The following ZBTB20 variants were observed in gnomAD, a reference collection of about 807,000 sequenced individuals.
The protein encoded by ZBTB20 is zinc finger and BTB domain-containing protein 20.
Under a neutral mutation model 56.9 loss-of-function variants are expected in ZBTB20, and 9 were observed. That is an observed-to-expected ratio of 0.16 (90% CI 0.10 to 0.28). ZBTB20 has a LOEUF of 0.28. Among genes scored for constraint, ZBTB20 ranks in the 10% least tolerant of loss-of-function variants. The pLI is 1.00. For missense variants in ZBTB20, 655 were observed against 1,003.0 expected (o/e 0.65, Z 4.69); for synonymous variants, 417 against 420.7 (o/e 0.99, Z 0.11).
intron 3 of ZBTB20, among the ~76,000 whole-genome samples, chr3:114,943,916 A>G: frequency 6.9e-6 from 1 of 144,604 alleles, no homozygotes; most frequent in Non-Finnish European, 1.5e-5. Context: ...ACTACAAAAA[A>G]AAAAAAAAAG....
chr3:114,893,934 TA>T (rs1248041771), intron 4 of ZBTB20, among the ~76,000 whole-genome samples: 2 of 152,174 alleles, frequency 1.3e-5, no homozygotes. Flanking sequence ...CAATTGTCAG[TA>T]AAAAATTCAG....
chr3:114,888,989 T>G (rs2107619752), intron 4 of ZBTB20, among the ~76,000 whole-genome samples: 1 of 152,262 alleles, frequency 6.6e-6, no homozygotes, highest in East Asian at 1.9e-4. Flanking sequence ...ATAATCTTCT[T>G]TTGATATGCT....
intron 4 of ZBTB20, among the ~76,000 whole-genome samples, chr3:114,842,432 T>C (rs892583372): frequency 1.3e-5 from 2 of 152,326 alleles, no homozygotes; most frequent in South Asian, 2.1e-4. Context: ...AAAACTTTTG[T>C]TCATTTACTC....
chr3:114,990,565 T>C (rs992852472), intron 2 of ZBTB20, among the ~76,000 whole-genome samples: 3 of 152,208 alleles, frequency 2.0e-5, no homozygotes, highest in Admixed American at 6.5e-5. Context: ...TCTAAAATTC[T>C]CTTTTTTTGT....
intron 2 of ZBTB20, among the ~76,000 whole-genome samples, chr3:115,066,832 CT>C (rs1363462201): frequency 1.3e-5 from 2 of 152,206 alleles, no homozygotes; most frequent in South Asian, 2.1e-4. Flanking sequence ...GTCCCTTCCC[CT>C]GTCTTCTCCC....
chr3:114,961,221 A>G (rs965828048), intron 3 of ZBTB20, among the ~76,000 whole-genome samples: 12 of 151,592 alleles, frequency 7.9e-5, no homozygotes, highest in Non-Finnish European at 1.8e-4. Context: ...TTTTTTAACC[A>G]TAATTCCTAG....
intron 2 of ZBTB20, among the ~76,000 whole-genome samples, chr3:115,063,171 T>C (rs377733267): frequency 1.7e-4 from 26 of 152,304 alleles, no homozygotes; most frequent in African/African-American, 5.8e-4. Flanking sequence ...AACAAAAATA[T>C]ATACACTTCA....
intron 6 of ZBTB20, among the ~76,000 whole-genome samples, chr3:114,660,194 G>T (rs1478652913): frequency 2.0e-5 from 3 of 152,142 alleles, no homozygotes; most frequent in Non-Finnish European, 2.9e-5. Context: ...CCTTTATCAA[G>T]TTTGAGTGAT....
At chr3:114,852,174 CACAG>C (rs144911512) in intron 4 of ZBTB20, among the ~76,000 whole-genome samples, 3,634 of 152,082 alleles carry the variant, frequency 0.024, 50 homozygotes, top group South Asian at 0.051. Context: ...CTTGTTCTCT[CACAG>C]ACAATTTTAT....
intron 5 of ZBTB20, among the ~76,000 whole-genome samples, chr3:114,783,894 AAG>A (rs1363857655): frequency 1.3e-5 from 2 of 152,156 alleles, no homozygotes; most frequent in African/African-American, 4.8e-5. Context: ...CAGGGCTGAG[AAG>A]AGTAAAATCT....
At chr3:114,759,342 G>A (rs536159427) in intron 5 of ZBTB20, 11 of 152,224 alleles carry the variant, frequency 7.2e-5, no homozygotes, top group African/African-American at 2.2e-4. Context: ...TTCAGATGCC[G>A]TTTATAAACA....
chr3:115,059,150 T>A (rs1233572981), intron 2 of ZBTB20, among the ~76,000 whole-genome samples: 1 of 152,202 alleles, frequency 6.6e-6, no homozygotes, highest in Non-Finnish European at 1.5e-5. Flanking sequence ...ATCTCTGCCA[T>A]TTCTGAACGT....
intron 4 of ZBTB20, among the ~76,000 whole-genome samples, chr3:114,862,947 T>C (rs560135805): frequency 6.6e-6 from 1 of 152,250 alleles, no homozygotes; most frequent in Admixed American, 6.5e-5. Flanking sequence ...ATGTGCCAGG[T>C]ATTGGAAGAG....
At chr3:115,082,313 T>C (rs906903970) in intron 1 of ZBTB20, among the ~76,000 whole-genome samples, 2 of 152,236 alleles carry the variant, frequency 1.3e-5, no homozygotes, top group Admixed American at 1.3e-4. Context: ...CTCCTCATTA[T>C]GATCTCACAA....
chr3:114,939,099 G>A (rs950378387), intron 3 of ZBTB20, among the ~76,000 whole-genome samples: 12 of 145,714 alleles, frequency 8.2e-5, no homozygotes, highest in Non-Finnish European at 1.6e-4. Context: ...GCAGCTGGAG[G>A]CTGTCAATTA....
intron 1 of ZBTB20, among the ~76,000 whole-genome samples, chr3:115,115,512 A>G (rs2083993053): frequency 6.6e-6 from 1 of 152,110 alleles, no homozygotes; most frequent in African/African-American, 2.4e-5. Flanking sequence ...TTAACTATAT[A>G]GTAAACATTC....
intron 6 of ZBTB20, among the ~76,000 whole-genome samples, chr3:114,650,460 CA>C (rs34948385): frequency 0.3 from 44,834 of 151,542 alleles, 9,346 homozygotes; most frequent in African/African-American, 0.59. Flanking sequence ...CATCTATTTA[CA>C]AAAAAATATT....
chr3:114,634,896 G>A (rs1234271305), intron 6 of ZBTB20, among the ~76,000 whole-genome samples: 3 of 152,180 alleles, frequency 2.0e-5, no homozygotes, highest in Non-Finnish European at 4.4e-5. Flanking sequence ...CGCACCTGTA[G>A]AACTTCGTTC....
chr3:114,611,424 A>G (rs1432158012), intron 6 of ZBTB20, among the ~76,000 whole-genome samples: 1 of 152,184 alleles, frequency 6.6e-6, no homozygotes, highest in Non-Finnish European at 1.5e-5. Context: ...CAAGCTGTCA[A>G]ACATCAAGAG....
Sources: gnomAD v4.1 joint callset for allele counts (sites outside exome capture counted in the v4.1 genomes callset) on GRCh38, gnomAD v4.1.1 for gene constraint, MANE v1.5 for transcripts, NCBI Gene and HGNC (gene_info 2026-07-23, HGNC 2026-07-21) for gene names.